TRMT2B: variants seen among roughly 807,000 people sequenced by gnomAD.
The protein encoded by TRMT2B is tRNA methyltransferase 2B, also known as tRNA (uracil-5-)-methyltransferase homolog B.
Under a neutral mutation model 39.7 loss-of-function variants are expected in TRMT2B, and 34 were observed. That is an observed-to-expected ratio of 0.86 (90% CI 0.65 to 1.14). The LOEUF (loss-of-function observed/expected upper bound fraction) is 1.14, where lower values mean the gene tolerates loss of function less well. Ranked by LOEUF, TRMT2B falls within the 50% of genes most tolerant of loss-of-function variation. TRMT2B has a pLI of 0.00. For missense variants in TRMT2B, 318 were observed against 377.2 expected (o/e 0.84, Z 1.30); for synonymous variants, 132 against 137.3 (o/e 0.96, Z 0.27).
At chrX:101,041,072 C>G (rs999929354) in intron 4 of TRMT2B, among the ~76,000 whole-genome samples, 1 of 111,129 alleles carries the variant, frequency 9.0e-6, no homozygotes, top group Non-Finnish European at 1.9e-5. Context: ...GGCATGGTGG[C>G]GCACGCTTGT....
In TRMT2B at chrX:101,042,231, A is replaced by G. The variant is rs1458659060; in HGVS notation, c.59T>C (p.Val20Ala). The change falls in exon 3 of 14, where the codon GTG becomes GCG. Residue 20 changes from valine to alanine, a missense_variant. By Grantham distance (64) the Val-to-Ala change is moderately conservative. Coordinates refer to ENST00000372936, the MANE Select transcript of TRMT2B (RefSeq NM_024917.6). ...CAGTCCTGGTTTGGAGAAGAGACCCACCATGGAGATGAAGTATCTGAGGCT... is the reference window on the plus strand; with the variant it reads ...CAGTCCTGGTTTGGAGAAGAGACCCGCCATGGAGATGAAGTATCTGAGGCT... ...LHSLRYFISM[V>A]GLFSKPGLLP... The G allele has an allele frequency of 8.3e-7, 1 of 1,212,054 alleles. No homozygotes were observed. Among genetic ancestry groups the G allele is most frequent in the East Asian group, 3.0e-5 (1 of 33,867 alleles).
chrX:100,985,894 G>C, the TRMT2B span: 1 of 1,205,070 alleles, frequency 8.3e-7, no homozygotes, highest in Non-Finnish European at 1.1e-6. Flanking sequence ...CGATAAAAGA[G>C]TGGCAGGGAA....
intron 5 of TRMT2B, 32 bp from the exon 6 acceptor site, chrX:101,037,105 A>C: frequency 9.4e-7 from 1 of 1,064,877 alleles, no homozygotes; most frequent in Non-Finnish European, 1.3e-6. Flanking sequence ...GAGGGGGATG[A>C]GAGGTCAAAT....
intron 8 of TRMT2B, among the ~76,000 whole-genome samples, chrX:101,022,524 G>C (rs776775432): frequency 4.6e-5 from 5 of 109,861 alleles, no homozygotes; most frequent in Non-Finnish European, 9.5e-5. Context: ...GGGAGGCTGA[G>C]TCAGGAGAAT....
rs1346930026 is a variant in TRMT2B at position 101,051,425 on chromosome X, G to T, written c.-198C>A. On this transcript the variant is annotated 5_prime_UTR_variant, in exon 2 of 14. Coordinates refer to ENST00000372936, the MANE Select transcript of TRMT2B (RefSeq NM_024917.6). ...GTCGTGTCCCGAATGCAGCCCACAGGCAGTCAGGTCCTTGTCTCCCCAACA... is the reference window on the plus strand; with the variant it reads ...GTCGTGTCCCGAATGCAGCCCACAGTCAGTCAGGTCCTTGTCTCCCCAACA... 2.8e-5 allele frequency: 21 copies of T among 752,676 alleles called. No homozygotes were observed. The highest frequency in any genetic ancestry group is 3.1e-5 in the Non-Finnish European group (20 of 639,198). 62.0% of individuals were successfully genotyped at this position (752,676 alleles called of 1,213,427 possible). A position where few individuals can be genotyped will look rare whatever the true frequency, so the allele number is the denominator to read the frequency against.
intron 13 of TRMT2B, among the ~76,000 whole-genome samples, chrX:101,016,137 G>A (rs1215967910): frequency 9.0e-6 from 1 of 111,657 alleles, no homozygotes; most frequent in African/African-American, 3.3e-5. Context: ...ACAGTTCACT[G>A]GTTTTTAGTA....
chrX:100,974,370 C>T, the TRMT2B span, among the ~76,000 whole-genome samples: 4 of 108,582 alleles, frequency 3.7e-5, no homozygotes, highest in African/African-American at 1.4e-4. Flanking sequence ...CTCTCTGTCT[C>T]TCTCTCTCTC....
At chrX:101,011,615 C>T (rs967171356) in intron 13 of TRMT2B, among the ~76,000 whole-genome samples, 2 of 111,100 alleles carry the variant, frequency 1.8e-5, no homozygotes, top group African/African-American at 3.3e-5. Flanking sequence ...AAATAAGGTC[C>T]GGGCATGGTG....
chrX:101,035,953 A>G (rs938226788), intron 6 of TRMT2B, among the ~76,000 whole-genome samples: 1 of 112,179 alleles, frequency 8.9e-6, no homozygotes, highest in African/African-American at 3.2e-5. Flanking sequence ...AGAGGGAAAT[A>G]AAATGTAATG....
At chrX:101,031,756 T>C (rs1453455008) in intron 7 of TRMT2B, among the ~76,000 whole-genome samples, 2 of 108,458 alleles carry the variant, frequency 1.8e-5, no homozygotes, top group African/African-American at 6.7e-5. Context: ...AATGTTACAT[T>C]ACTAAAAAAG....
intron 4 of TRMT2B, among the ~76,000 whole-genome samples, chrX:101,039,677 C>T (rs1156480007): frequency 1.8e-5 from 2 of 111,516 alleles, no homozygotes; most frequent in South Asian, 3.7e-4. Flanking sequence ...GCAGGCGGAT[C>T]GCTTGCGTCC....
At chrX:101,036,444 C>CAAAAAAAAA (rs776144105) in intron 6 of TRMT2B, among the ~76,000 whole-genome samples, 1 of 21,780 alleles carries the variant, frequency 4.6e-5, no homozygotes. Flanking sequence ...GACTCCATCT[C>CAAAAAAAAA]AAAAAAAAAA....
intron 7 of TRMT2B, among the ~76,000 whole-genome samples, chrX:101,031,385 G>C (rs2087448944): frequency 8.9e-6 from 1 of 112,268 alleles, no homozygotes; most frequent in South Asian, 3.6e-4. Context: ...AAAAAATCCA[G>C]AAGAAAGCAG....
intron 3 of TRMT2B, 122 bp downstream of exon 3, chrX:101,041,919 TC>T: frequency 1.1e-6 from 1 of 901,130 alleles, no homozygotes; most frequent in East Asian, 3.1e-5. Context: ...GCCCTGGGTA[TC>T]CTACCTCAGG....
chrX:101,017,449 G>A (rs1168580282), intron 13 of TRMT2B, among the ~76,000 whole-genome samples: 3 of 110,257 alleles, frequency 2.7e-5, no homozygotes, highest in Non-Finnish European at 5.7e-5. Context: ...AAATCACTTC[G>A]TTTTTTATAC....
the TRMT2B span, among the ~76,000 whole-genome samples, chrX:100,995,685 C>G: frequency 9.0e-6 from 1 of 111,644 alleles, no homozygotes; most frequent in Non-Finnish European, 1.9e-5. Context: ...TAGATCTGCT[C>G]AGAAAAATAA....
intron 3 of TRMT2B, among the ~76,000 whole-genome samples, chrX:101,041,688 A>G (rs73565059): frequency 0.042 from 4,711 of 111,932 alleles, 262 homozygotes; most frequent in African/African-American, 0.15. Context: ...TGCATAAATG[A>G]GGTATATTTG....
the TRMT2B span, among the ~76,000 whole-genome samples, chrX:100,991,436 C>T: frequency 6.3e-5 from 7 of 110,710 alleles, no homozygotes; most frequent in African/African-American, 1.3e-4. Context: ...TGGAGTGCAG[C>T]GGCGTGATCT....
the TRMT2B span, among the ~76,000 whole-genome samples, chrX:100,979,269 T>C: frequency 8.9e-6 from 1 of 112,044 alleles, no homozygotes; most frequent in Non-Finnish European, 1.9e-5. Flanking sequence ...ATCCTTTTCT[T>C]TCAGATTGAA....
Sources: allele counts gnomAD v4.1 joint callset (sites outside exome capture counted in the v4.1 genomes callset), GRCh38; gene constraint gnomAD v4.1.1; transcripts MANE v1.5; gene names NCBI Gene and HGNC (gene_info 2026-07-23, HGNC 2026-07-21).